SPRED2: variants seen among roughly 807,000 people sequenced by gnomAD.
SPRED2 encodes the protein sprouty related EVH1 domain containing 2.
SPRED2 carries 47 observed loss-of-function variants against 43.0 expected under a neutral mutation model. The observed-to-expected ratio is 1.09, with a 90% confidence interval of 0.87 to 1.40. The LOEUF (loss-of-function observed/expected upper bound fraction) is 1.40, where lower values mean the gene tolerates loss of function less well. Ranked by LOEUF, SPRED2 falls within the 40% of genes most tolerant of loss-of-function variation. SPRED2 has a pLI of 0.00. For missense variants in SPRED2, 561 were observed against 586.4 expected (o/e 0.96, Z 0.45); for synonymous variants, 225 against 225.7 (o/e 1.00, Z 0.03).
In SPRED2 at chr2:65,327,713, CTTTTTTTTTTTTT is replaced by C. The variant is rs555549300; in HGVS notation, c.438+4261_438+4273del. On this transcript the variant is annotated intron_variant, in intron 4 of 5. Transcript: ENST00000356388. Reference sequence around the variant, plus strand: ...ATCTTTGCTTTTCTTTTCTTTCTTTCTTTTTTTTTTTTTTTTTTTTTTTTTTTTGAGACGGAGT... The same window carrying C: ...ATCTTTGCTTTTCTTTTCTTTCTTTCTTTTTTTTTTTTTTTGAGACGGAGT... Among the ~76,000 whole-genome samples, 290 of 74,498 alleles carry C rather than the reference CTTTTTTTTTTTTT, an allele frequency of 3.9e-3. 1 individual carries two copies. Among genetic ancestry groups the C allele is most frequent in the Non-Finnish European group, 6.0e-3 (247 of 41,156 alleles). 48.9% of individuals were successfully genotyped at this position (74,498 alleles called of 152,430 possible). A position where few individuals can be genotyped will look rare whatever the true frequency, so the allele number is the denominator to read the frequency against.
chr2:65,407,413 TTTGA>T (rs1346970689), intron 1 of SPRED2, among the ~76,000 whole-genome samples: 1 of 151,560 alleles, frequency 6.6e-6, no homozygotes, highest in Non-Finnish European at 1.5e-5. Flanking sequence ...TGGGGGGCAT[TTTGA>T]TTGTCTTCAT....
chr2:65,403,776 A>T (rs1675959292), intron 1 of SPRED2, among the ~76,000 whole-genome samples: 1 of 152,190 alleles, frequency 6.6e-6, no homozygotes, highest in East Asian at 1.9e-4. Flanking sequence ...TGCATATCAA[A>T]GCACTGGTCT....
intron 1 of SPRED2, among the ~76,000 whole-genome samples, chr2:65,375,048 G>A (rs1172752727): frequency 6.6e-6 from 1 of 152,168 alleles, no homozygotes; most frequent in African/African-American, 2.4e-5. Flanking sequence ...CTTTCCAATT[G>A]AACAACGCAC....
At chr2:65,373,839 A>C (rs995450428) in intron 1 of SPRED2, 14 of 152,188 alleles carry the variant, frequency 9.2e-5, no homozygotes, top group Non-Finnish European at 1.5e-4. Flanking sequence ...ATTGGCTTCT[A>C]CAGGGGGTAG....
At chr2:65,350,917 C>G (rs931049869) in intron 1 of SPRED2, among the ~76,000 whole-genome samples, 1 of 152,236 alleles carries the variant, frequency 6.6e-6, no homozygotes, top group Non-Finnish European at 1.5e-5. Context: ...CTCTCAGGAG[C>G]TGAAGAAACC....
chr2:65,364,518 C>A (rs1038171535), intron 1 of SPRED2, among the ~76,000 whole-genome samples: 2 of 152,196 alleles, frequency 1.3e-5, no homozygotes, highest in Admixed American at 1.3e-4. Flanking sequence ...AGCAAAGGGG[C>A]CTCTGAGGCG....
chr2:65,312,755 A>T lies in SPRED2; in HGVS notation c.*746T>A, dbSNP rs1312645321. ...AGTTGAAGGAATTTTCCTGATTCTC[A>T]CAAGTTAATCTGAAGTTAAGGCTCA... On this transcript the variant is annotated 3_prime_UTR_variant, in exon 6 of 6. Coordinates refer to ENST00000356388, the MANE Select transcript of SPRED2 (RefSeq NM_181784.3). 1.0e-6 allele frequency: 1 copy of T among 985,772 alleles called. No individual in the cohort carries two copies. The highest frequency in any genetic ancestry group is 1.7e-5 in the African/African-American group (1 of 57,238). The allele number at this position is 985,772 out of a possible 1,614,324, so 61.1% of individuals were successfully genotyped here. A position where few individuals can be genotyped will look rare whatever the true frequency, so the allele number is the denominator to read the frequency against.
In SPRED2 at chr2:65,352,428, C is replaced by T. The variant is rs368207901; in HGVS notation, c.27-7532G>A. ...AATGGAGAGTACTAGTAAAAGAACC[C>T]GTGTACTTAAACAGGGACTAACACT... On this transcript the variant is annotated intron_variant, in intron 1 of 5. Coordinates refer to ENST00000356388, the MANE Select transcript of SPRED2 (RefSeq NM_181784.3). 8.5e-5 allele frequency among the ~76,000 whole-genome samples: 13 copies of T among 152,280 alleles called. 1 individual carries two copies. Among genetic ancestry groups the T allele is most frequent in the African/African-American group, 2.2e-4 (9 of 41,552 alleles).
At chr2:65,379,186 A>C (rs566026350) in intron 1 of SPRED2, among the ~76,000 whole-genome samples, 1 of 152,302 alleles carries the variant, frequency 6.6e-6, no homozygotes, top group East Asian at 1.9e-4. Flanking sequence ...TACCAATATC[A>C]GGATTGCAGT....
chr2:65,329,031 C>G (rs1005194706), intron 4 of SPRED2, among the ~76,000 whole-genome samples: 1 of 152,216 alleles, frequency 6.6e-6, no homozygotes, highest in African/African-American at 2.4e-5. Flanking sequence ...TAGGACAAAA[C>G]CAACATTGTC....
intron 1 of SPRED2, among the ~76,000 whole-genome samples, chr2:65,409,126 T>G (rs1023801380): frequency 3.3e-5 from 5 of 152,158 alleles, no homozygotes; most frequent in African/African-American, 1.2e-4. Context: ...ACACTGAAGT[T>G]TTTGAAAGGT....
intron 4 of SPRED2, among the ~76,000 whole-genome samples, chr2:65,324,060 TC>T (rs1481513961): frequency 6.6e-5 from 10 of 151,252 alleles, no homozygotes; most frequent in Admixed American, 2.0e-4. Context: ...TCAGGCAGCT[TC>T]CCAGAGGGGT....
rs71398633 is a variant in SPRED2 at position 65,422,104 on chromosome 2, A to ACT, written c.26+9856_26+9857dup. Among the ~76,000 whole-genome samples the ACT allele has an allele frequency of 9.8e-3, 1,264 of 128,982 alleles. 17 individuals are homozygous for ACT. Among genetic ancestry groups the ACT allele is most frequent in the Middle Eastern group, 0.027 (6 of 226 alleles). 84.6% of individuals were successfully genotyped at this position (128,982 alleles called of 152,430 possible). Reference sequence around the variant, plus strand: ...CACACACACACACACACACACACACACTCTCTCTCTCTCTCTCTCTCTCTC... The same window carrying ACT: ...CACACACACACACACACACACACACACTCTCTCTCTCTCTCTCTCTCTCTCTC... On this transcript the variant is annotated intron_variant, in intron 1 of 5. Transcript: ENST00000356388.
chr2:65,391,705 G>C (rs904126188), intron 1 of SPRED2, among the ~76,000 whole-genome samples: 2 of 152,154 alleles, frequency 1.3e-5, no homozygotes, highest in African/African-American at 2.4e-5. Context: ...TTTTAGACAA[G>C]AGGATGAATT....
At chr2:65,419,345 C>A (rs1264916811) in intron 1 of SPRED2, among the ~76,000 whole-genome samples, 2 of 152,254 alleles carry the variant, frequency 1.3e-5, no homozygotes, top group South Asian at 4.1e-4. Flanking sequence ...ACTTGTAACT[C>A]CCCCCATCCA....
chr2:65,336,446 T>C (rs1325291648), intron 2 of SPRED2, among the ~76,000 whole-genome samples: 1 of 152,148 alleles, frequency 6.6e-6, no homozygotes, highest in East Asian at 1.9e-4. Context: ...AATATTCAAA[T>C]TGGTATATCA....
intron 1 of SPRED2, among the ~76,000 whole-genome samples, chr2:65,397,072 A>G (rs950666169): frequency 7.4e-5 from 11 of 149,262 alleles, no homozygotes; most frequent in Non-Finnish European, 1.0e-4. Context: ...ATCGTTCATG[A>G]AAAAAAAAAA....
At chr2:65,402,384 G>C (rs998874811) in intron 1 of SPRED2, among the ~76,000 whole-genome samples, 3 of 152,084 alleles carry the variant, frequency 2.0e-5, no homozygotes, top group Admixed American at 2.0e-4. Context: ...GGAAAGGCCG[G>C]GTAAGCGGGC....
chr2:65,316,597 C>G, intron 5 of SPRED2, 137 bp downstream of exon 5: 1 of 1,072,600 alleles, frequency 9.3e-7, no homozygotes, highest in African/African-American at 1.6e-5. Context: ...ATGCCACTTT[C>G]AATATGAAGT....
Sources: gnomAD v4.1 joint callset for allele counts (sites outside exome capture counted in the v4.1 genomes callset) on GRCh38, gnomAD v4.1.1 for gene constraint, MANE v1.5 for transcripts, NCBI Gene and HGNC (gene_info 2026-07-23, HGNC 2026-07-21) for gene names.